Variants in AKAP7 observed in about 807,000 individuals in gnomAD.
The protein encoded by AKAP7 is A kinase (PRKA) anchor protein 7.
Under a neutral mutation model 39.5 loss-of-function variants are expected in AKAP7, and 39 were observed. The ratio of observed to expected loss-of-function variants is 0.99; its 90% CI spans 0.76 to 1.29. The LOEUF (loss-of-function observed/expected upper bound fraction) is 1.29. Among genes scored for constraint, AKAP7 ranks in the 50% most tolerant of loss-of-function variants. AKAP7 has a pLI of 0.00. For synonymous variants in AKAP7, 140 were observed against 139.1 expected (o/e 1.01, Z -0.05); for missense variants, 414 against 407.7 (o/e 1.02, Z -0.13).
Position 131,266,401 on chromosome 6 carries a change from A to T in AKAP7, c.851-15129A>T, listed in dbSNP as rs1390303220. On this transcript the variant is annotated intron_variant, in intron 7 of 7. Coordinates refer to ENST00000431975, the MANE Select transcript of AKAP7 (RefSeq NM_016377.4). ...CAAATGTCAACTGATGGGTCAAATT[A>T]ATTTATATTTACATGTCATCAGTGT... is the stretch of plus-strand genomic sequence containing the variant. Among the ~76,000 whole-genome samples, 6 of 152,168 alleles carry T rather than the reference A, an allele frequency of 3.9e-5. No individual in the cohort carries two copies. In the East Asian group the frequency reaches 9.6e-4, roughly 24 times the overall value.
intron 5 of AKAP7, among the ~76,000 whole-genome samples, chr6:131,171,382 G>A (rs897699959): frequency 6.6e-6 from 1 of 152,150 alleles, no homozygotes; most frequent in Non-Finnish European, 1.5e-5. Flanking sequence ...GTAAATACAG[G>A]TTTTCTGGTT....
chr6:131,241,924 C>A, intron 7 of AKAP7: 1 of 486,778 alleles, frequency 2.1e-6, no homozygotes, highest in Non-Finnish European at 2.7e-6. Context: ...AAGATTGCAT[C>A]TTCTACAGAG....
chr6:131,141,799 A>C (rs1415095715), intron 1 of AKAP7, among the ~76,000 whole-genome samples: 1 of 152,150 alleles, frequency 6.6e-6, no homozygotes, highest in Non-Finnish European at 1.5e-5. Flanking sequence ...CCTAGCAAAG[A>C]ATTTGGCTGC....
chr6:131,162,880 G>A (rs1210928022), intron 3 of AKAP7, among the ~76,000 whole-genome samples: 1 of 152,136 alleles, frequency 6.6e-6, no homozygotes, highest in East Asian at 1.9e-4. Context: ...ACAGCTTTCT[G>A]TATGCCATTT....
chr6:131,281,551 C>T lies in AKAP7; in HGVS notation c.872C>T (p.Pro291Leu), dbSNP rs765961394. ...GTAGGTGAAAAGAACGGAGGGGAGCCCGATGACGCTGAACTAGTAAGGCTC... is the reference window on the plus strand; with the variant it reads ...GTAGGTGAAAAGAACGGAGGGGAGCTCGATGACGCTGAACTAGTAAGGCTC... ...IVIGEKNGGE[P>L]DDAELVRLSK... The change falls in exon 8 of 8, where the codon CCC (proline) becomes CTC (leucine). Residue 291 changes from proline (P) to leucine (L), a missense_variant. Pro to Leu is a moderately conservative substitution (Grantham distance 98, BLOSUM62 -3). Coordinates refer to ENST00000431975, the MANE Select transcript of AKAP7 (RefSeq NM_016377.4). This position sits in a 1 kb window ranked among gnomAD's most constrained non-coding sequence, Gnocchi z 4.0. 6.2e-7 allele frequency: 1 copy of T among 1,609,608 alleles called. No homozygotes were observed. The highest frequency in any genetic ancestry group is 1.1e-5 in the South Asian group (1 of 90,402).
chr6:131,232,896 CTATTATT>C (rs1449798695), intron 7 of AKAP7, among the ~76,000 whole-genome samples: 1 of 150,464 alleles, frequency 6.6e-6, no homozygotes, highest in Non-Finnish European at 1.5e-5. Flanking sequence ...CATCAGTTTT[CTATTATT>C]TATTATTATT....
At chr6:131,161,686 T>TAAAAAAAAAAAAAAAAAAAAAAA (rs1392090781) in intron 3 of AKAP7, among the ~76,000 whole-genome samples, 1 of 78,938 alleles carries the variant, frequency 1.3e-5, no homozygotes, top group Non-Finnish European at 2.8e-5. Context: ...AAAAAAAAAT[T>TAAAAAAAAAAAAAAAAAAAAAAA]AAAGGTCCTA....
intron 5 of AKAP7, among the ~76,000 whole-genome samples, chr6:131,170,029 C>G (rs1309437998): frequency 6.6e-6 from 1 of 150,506 alleles, no homozygotes; most frequent in Non-Finnish European, 1.5e-5. Context: ...CTTTGTGTAT[C>G]TACGTTTCTC....
intron 7 of AKAP7, among the ~76,000 whole-genome samples, chr6:131,263,905 A>G (rs559636894): frequency 2.0e-4 from 31 of 152,288 alleles, no homozygotes; most frequent in East Asian, 9.6e-4. Context: ...GAGAACCACA[A>G]TGCATCTCCT....
intron 7 of AKAP7, among the ~76,000 whole-genome samples, chr6:131,249,484 G>A (rs545485092): frequency 1.3e-5 from 2 of 152,250 alleles, no homozygotes; most frequent in South Asian, 4.1e-4. Context: ...GCATCATCCT[G>A]TTCCCTCTCC....
At chr6:131,252,918 T>G in intron 7 of AKAP7, 2 of 968,148 alleles carry the variant, frequency 2.1e-6, no homozygotes, top group Non-Finnish European at 3.2e-6. Context: ...TCACTTCTTC[T>G]AATTCTGTAA....
At chr6:131,132,342 G>A (rs1800347355), upstream of AKAP7, among the ~76,000 whole-genome samples, 1 of 151,340 alleles carries the variant, frequency 6.6e-6, no homozygotes, top group South Asian at 2.1e-4. Flanking sequence ...GAATTCATAG[G>A]TATTAATTTG....
At chr6:131,256,562 C>T (rs566273374) in intron 7 of AKAP7, among the ~76,000 whole-genome samples, 1 of 152,192 alleles carries the variant, frequency 6.6e-6, no homozygotes, top group East Asian at 1.9e-4. Context: ...GAGCTGTATC[C>T]AAAAGCCCTG....
chr6:131,203,112 G>A (rs1411818212), intron 6 of AKAP7, among the ~76,000 whole-genome samples: 1 of 152,100 alleles, frequency 6.6e-6, no homozygotes, highest in African/African-American at 2.4e-5. Flanking sequence ...AGTTTCTTAT[G>A]CAGCAAATCT....
At chr6:131,128,416 A>G in the AKAP7 span, among the ~76,000 whole-genome samples, 3 of 152,252 alleles carry the variant, frequency 2.0e-5, no homozygotes, top group Admixed American at 6.5e-5. Context: ...GCTTATAAGC[A>G]TATAGATTTG....
chr6:131,193,271 G>A (rs1489247883), intron 5 of AKAP7, among the ~76,000 whole-genome samples: 2 of 151,896 alleles, frequency 1.3e-5, no homozygotes, highest in East Asian at 3.9e-4. Flanking sequence ...ACAGTTCTTT[G>A]AGTTTTTTAT....
chr6:131,147,177 G>A (rs746236453), intron 2 of AKAP7, among the ~76,000 whole-genome samples: 8 of 152,348 alleles, frequency 5.3e-5, no homozygotes, highest in Admixed American at 6.5e-5. Context: ...TAAAAGCACA[G>A]ATTCTTCTTT....
chr6:131,166,091 C>T (rs897422954), intron 4 of AKAP7, among the ~76,000 whole-genome samples: 5 of 151,908 alleles, frequency 3.3e-5, no homozygotes, highest in Admixed American at 1.3e-4. Flanking sequence ...AATATCTAAC[C>T]CCATTATGAT....
At chr6:131,168,227 C>A (rs1051223859) in intron 4 of AKAP7, among the ~76,000 whole-genome samples, 1 of 151,860 alleles carries the variant, frequency 6.6e-6, no homozygotes, top group African/African-American at 2.4e-5. Flanking sequence ...GCTTTCACAG[C>A]ATAGGGGGAC....
Sources: allele counts gnomAD v4.1 joint callset (sites outside exome capture counted in the v4.1 genomes callset), GRCh38; gene constraint gnomAD v4.1.1; non-coding constraint Gnocchi (gnomAD v3.1); transcripts MANE v1.5; gene names NCBI Gene and HGNC (gene_info 2026-07-23, HGNC 2026-07-21).